Variants in FLACC1 observed in about 807,000 individuals in gnomAD.
FLACC1 encodes the protein flagellum associated containing coiled-coil domains 1, also known as flagellum-associated coiled-coil domain-containing protein 1.
In FLACC1, 66 loss-of-function variants were observed where a neutral mutation model predicts 62.8. That is an observed-to-expected ratio of 1.05 (90% CI 0.86 to 1.29). The LOEUF is 1.29. Ranked by LOEUF, FLACC1 falls within the 50% of genes most tolerant of loss-of-function variation. The pLI is 0.00. For synonymous variants in FLACC1, 156 were observed against 161.0 expected (o/e 0.97, Z 0.24); for missense variants, 452 against 489.1 (o/e 0.92, Z 0.71).
In FLACC1 at chr2:201,351,351, T is replaced by C; in HGVS notation, c.54A>G (p.Gly18=). 2 of 1,614,126 alleles carry C rather than the reference T, an allele frequency of 1.2e-6. No individual in the cohort carries two copies. The highest frequency in any genetic ancestry group is 8.5e-7 in the Non-Finnish European group (1 of 1,180,010). The change falls in exon 2 of 15, where the codon GGA becomes GGG. Residue 18 remains glycine (G), a synonymous_variant. Coordinates refer to ENST00000392257, the MANE Select transcript of FLACC1 (RefSeq NM_001127391.3). ...YCTCWDPWNL[G]PRKLIKTPQL... ...GAGGGGTCTTGATTAGCTTCCGTGG[T>C]CCCAAGTTCCAGGGGTCCCAGCAGG...
At chr2:201,312,896 C>T (rs937605142) in intron 9 of FLACC1, among the ~76,000 whole-genome samples, 3 of 152,226 alleles carry the variant, frequency 2.0e-5, no homozygotes. Flanking sequence ...AGTGCCCAAA[C>T]TGTGGAAGTA....
At chr2:201,358,408 C>A (rs1355957143), upstream of FLACC1, among the ~76,000 whole-genome samples, 1 of 128,536 alleles carries the variant, frequency 7.8e-6, no homozygotes, top group Non-Finnish European at 1.6e-5. Context: ...CCATGCCCAG[C>A]TAATTTTTTT....
At chr2:201,300,310 G>A (rs1053039869) in intron 11 of FLACC1, among the ~76,000 whole-genome samples, 12 of 152,274 alleles carry the variant, frequency 7.9e-5, no homozygotes, top group South Asian at 2.1e-4. Context: ...CCACGCCCAC[G>A]GAGCTTTGCT....
chr2:201,316,429 C>T lies in FLACC1; in HGVS notation c.676-7179G>A, dbSNP rs1389639745. Among the ~76,000 whole-genome samples, 4 of 152,188 alleles carry T rather than the reference C, an allele frequency of 2.6e-5. No individual in the cohort carries two copies. The South Asian group carries it at 8.3e-4, about 32-fold the overall frequency. On this transcript the variant is annotated intron_variant, in intron 9 of 14. Transcript: ENST00000392257. The stretch of plus-strand genomic sequence containing the variant: ...AGATCATTCAAGGCTACTGTGAACA[C>T]CTTTACGTGCATAAACTAGAAAACC...
intron 8 of FLACC1, 31 bp downstream of exon 8, chr2:201,330,705 C>T (rs1234965520): frequency 1.9e-6 from 3 of 1,607,028 alleles, no homozygotes; most frequent in Non-Finnish European, 2.6e-6. Flanking sequence ...GGACCTTCAT[C>T]CAGGGTCATT....
intron 12 of FLACC1, among the ~76,000 whole-genome samples, chr2:201,293,549 A>G (rs1174319486): frequency 6.6e-6 from 1 of 152,218 alleles, no homozygotes; most frequent in African/African-American, 2.4e-5. Context: ...TATGGCACTA[A>G]ATGCCCACAA....
intron 9 of FLACC1, among the ~76,000 whole-genome samples, chr2:201,320,903 T>G (rs932261265): frequency 3.3e-5 from 5 of 152,212 alleles, no homozygotes; most frequent in African/African-American, 1.2e-4. Flanking sequence ...AAGCATCACC[T>G]CTTGGCTGGA....
Position 201,348,300 on chromosome 2 carries a change from A to G in FLACC1, c.188T>C (p.Met63Thr). The change falls in exon 4 of 15, where the codon ATG becomes ACG. Residue 63 changes from methionine to threonine, a missense_variant and splice_region_variant. Met to Thr is a moderately conservative substitution (Grantham distance 81). Around this residue, in one of 3 missense-constraint regions of FLACC1, gnomAD observed 147 missense variants for 152.7 expected, o/e 0.96. Transcript: ENST00000392257. Reference sequence around the variant, plus strand: ...TTCTTGCCTTGCTGAATGGATTTTCATTCTGCAAGAGAAAGACATGCTCAG... The same window carrying G: ...TTCTTGCCTTGCTGAATGGATTTTCGTTCTGCAAGAGAAAGACATGCTCAG... The part of the protein sequence containing the change: ...QPTKPVVSPK[M>T]KIHSARQEET... 6.2e-7 allele frequency: 1 copy of G among 1,612,402 alleles called. No homozygotes were observed. The highest frequency in any genetic ancestry group is 8.5e-7 in the Non-Finnish European group (1 of 1,179,826).
intron 7 of FLACC1, among the ~76,000 whole-genome samples, chr2:201,337,928 A>G (rs2125603654): frequency 6.6e-6 from 1 of 152,216 alleles, no homozygotes; most frequent in South Asian, 2.1e-4. Context: ...TGAACTTTAG[A>G]ATTATTTTTT....
At chr2:201,342,827 A>G (rs993844741) in intron 6 of FLACC1, among the ~76,000 whole-genome samples, 12 of 152,370 alleles carry the variant, frequency 7.9e-5, no homozygotes, top group African/African-American at 2.6e-4. Context: ...AGAGCCAAGG[A>G]GGACTAAGAC....
intron 9 of FLACC1, among the ~76,000 whole-genome samples, chr2:201,322,251 G>A (rs1487472265): frequency 1.4e-5 from 2 of 147,876 alleles, no homozygotes; most frequent in African/African-American, 2.5e-5. Flanking sequence ...GCAACAGAGT[G>A]AGATTCAGCC....
At chr2:201,300,400 T>C (rs1220878171) in intron 11 of FLACC1, among the ~76,000 whole-genome samples, 1 of 152,060 alleles carries the variant, frequency 6.6e-6, no homozygotes, top group East Asian at 1.9e-4. Flanking sequence ...TTGCTGAAGC[T>C]TGAGTAGGTA....
chr2:201,343,281 A>T (rs1163108256), intron 6 of FLACC1, among the ~76,000 whole-genome samples: 1 of 152,250 alleles, frequency 6.6e-6, no homozygotes, highest in Non-Finnish European at 1.5e-5. Context: ...ATGACTTAAA[A>T]TGTTCATTTT....
chr2:201,307,572 T>A lies in FLACC1; in HGVS notation c.826A>T (p.Lys276Ter), dbSNP rs762331576. ...ACAGCACTGCAGGATTCATTTATTT[T>A]CTTATCTTCTTCTCCTGACTCCATT... is the stretch of plus-strand genomic sequence containing the variant. The part of the protein sequence containing the change: ...FEMESGEEDK[K>*]INESCSAVFE... The change falls in exon 11 of 15, where the codon AAA becomes TAA. Residue 276 changes from lysine to a stop codon, truncating the protein, a stop_gained. Coordinates refer to ENST00000392257, the MANE Select transcript of FLACC1 (RefSeq NM_001127391.3). LOFTEE classifies it high-confidence loss of function. 2 of 1,614,252 alleles carry A rather than the reference T, an allele frequency of 1.2e-6. No homozygotes were observed. The highest frequency in any genetic ancestry group is 1.7e-6 in the Non-Finnish European group (2 of 1,180,040).
intron 1 of FLACC1, among the ~76,000 whole-genome samples, chr2:201,354,393 G>A (rs1951081223): frequency 1.3e-5 from 2 of 152,290 alleles, no homozygotes; most frequent in African/African-American, 2.4e-5. Flanking sequence ...GGGTTGGCTG[G>A]GCCAGAGGCC....
At chr2:201,298,754 T>C (rs886684644) in intron 12 of FLACC1, among the ~76,000 whole-genome samples, 2 of 152,222 alleles carry the variant, frequency 1.3e-5, no homozygotes, top group African/African-American at 4.8e-5. Context: ...CCTTGTGGAT[T>C]TGAACGGCTC....
intron 4 of FLACC1, among the ~76,000 whole-genome samples, chr2:201,347,266 G>T (rs1319629912): frequency 6.6e-6 from 1 of 152,222 alleles, no homozygotes; most frequent in African/African-American, 2.4e-5. Flanking sequence ...GGGGCTCTGA[G>T]AGCTGCGCAG....
chr2:201,341,567 G>A (rs912648655), intron 7 of FLACC1, among the ~76,000 whole-genome samples: 1 of 150,872 alleles, frequency 6.6e-6, no homozygotes, highest in African/African-American at 2.4e-5. Flanking sequence ...GGTTATAATA[G>A]TGGAGATTAC....
At chr2:201,355,282 C>T (rs372125710) in intron 1 of FLACC1, among the ~76,000 whole-genome samples, 2 of 152,018 alleles carry the variant, frequency 1.3e-5, no homozygotes, top group South Asian at 4.2e-4. Flanking sequence ...AAGACTCTGT[C>T]TCAATAAATA....
Sources: allele counts gnomAD v4.1 joint callset (sites outside exome capture counted in the v4.1 genomes callset), GRCh38; gene constraint gnomAD v4.1.1; regional missense constraint gnomAD v4.1.1; transcripts MANE v1.5; gene names NCBI Gene and HGNC (gene_info 2026-07-23, HGNC 2026-07-21).